The following CHMP3 variants were observed in gnomAD, a reference collection of about 807,000 sequenced individuals.
The protein encoded by CHMP3 is charged multivesicular body protein 3, also known as 25.1 protein.
CHMP3 carries 8 observed loss-of-function variants against 27.4 expected under a neutral mutation model. That is an observed-to-expected ratio of 0.29 (90% CI 0.17 to 0.53). The LOEUF is 0.53. Ranked by LOEUF, CHMP3 falls within the 20% of genes least tolerant of loss-of-function variation. The pLI is 0.96. For missense variants in CHMP3, 208 were observed against 271.5 expected (o/e 0.77, Z 1.64); for synonymous variants, 86 against 85.5 (o/e 1.01, Z -0.03).
chr2:86,555,376 G>A (rs1031067752), intron 1 of CHMP3, among the ~76,000 whole-genome samples: 1 of 151,946 alleles, frequency 6.6e-6, no homozygotes, highest in Non-Finnish European at 1.5e-5. Context: ...ATTGTTTCCT[G>A]AGGCTGCCAT....
rs1674809112 is a variant in CHMP3 at position 86,504,433 on chromosome 2, AT to A, written c.*1370del. ...TTTAAAAAAATAATTATTTAAAATAATTTTTTAACTACACTCTGAAGATGAA... is the reference window on the plus strand; with the variant it reads ...TTTAAAAAAATAATTATTTAAAATAATTTTTAACTACACTCTGAAGATGAA... On this transcript the variant is annotated 3_prime_UTR_variant, in exon 6 of 6. Transcript: ENST00000263856. 4 of 151,860 alleles carry A rather than the reference AT, an allele frequency of 2.6e-5. No homozygotes were observed. The highest frequency in any genetic ancestry group is 9.7e-5 in the African/African-American group (4 of 41,382). The allele number at this position is 151,860 out of a possible 1,614,324, so 9.4% of individuals were successfully genotyped here. A position where few individuals can be genotyped will look rare whatever the true frequency, so the allele number is the denominator to read the frequency against.
intron 4 of CHMP3, among the ~76,000 whole-genome samples, chr2:86,508,419 C>T (rs73946213): frequency 0.045 from 6,787 of 152,210 alleles, 501 homozygotes; most frequent in African/African-American, 0.16. Flanking sequence ...AGCAAAGGGT[C>T]GGAACAGCAA....
At chr2:86,554,624 T>C (rs1573305868) in intron 1 of CHMP3, among the ~76,000 whole-genome samples, 1 of 152,258 alleles carries the variant, frequency 6.6e-6, no homozygotes, top group Non-Finnish European at 1.5e-5. Flanking sequence ...TTCAATCCCT[T>C]TAGAAACCAA....
chr2:86,525,926 A>G (rs1424693941), intron 3 of CHMP3, among the ~76,000 whole-genome samples: 2 of 152,198 alleles, frequency 1.3e-5, no homozygotes, highest in African/African-American at 4.8e-5. Context: ...CCTGAAGATA[A>G]AACTCAATGG....
rs1348635905 is a variant in CHMP3 at position 86,516,554 on chromosome 2, G to A, written c.287-6075C>T. ...AAACAGGATCACTCATACATTGGCT[G>A]GTGGGAATTTAAACCTGTACACTTT... is the stretch of plus-strand genomic sequence containing the variant. On this transcript the variant is annotated intron_variant, in intron 3 of 5. Transcript: ENST00000263856. Among the ~76,000 whole-genome samples, 5 of 152,348 alleles carry A rather than the reference G, an allele frequency of 3.3e-5. No homozygotes were observed. In the South Asian group the frequency reaches 8.3e-4, roughly 25 times the overall value.
intron 1 of CHMP3, among the ~76,000 whole-genome samples, chr2:86,545,538 CGGGGCG>C (rs1676547471): frequency 6.6e-5 from 2 of 30,254 alleles, no homozygotes; most frequent in South Asian, 9.1e-4. Flanking sequence ...ACTTCCCAGA[CGGGGCG>C]ACTGCCGGGC....
At chr2:86,509,175 G>T (rs1355694041) in intron 4 of CHMP3, among the ~76,000 whole-genome samples, 1 of 152,160 alleles carries the variant, frequency 6.6e-6, no homozygotes, top group African/African-American at 2.4e-5. Context: ...TTATGAAAAA[G>T]ATCCCAGATT....
intron 1 of CHMP3, among the ~76,000 whole-genome samples, chr2:86,547,121 C>T (rs1229283824): frequency 6.6e-6 from 1 of 152,194 alleles, no homozygotes; most frequent in Non-Finnish European, 1.5e-5. Context: ...CCTATACCCC[C>T]ACCTCTTTTG....
chr2:86,537,623 C>T (rs113957477), intron 2 of CHMP3, among the ~76,000 whole-genome samples: 1 of 152,168 alleles, frequency 6.6e-6, no homozygotes, highest in East Asian at 1.9e-4. Context: ...CCCCAGGGCT[C>T]ATCAGGTTTG....
chr2:86,520,640 G>C (rs1675485792), intron 3 of CHMP3, among the ~76,000 whole-genome samples: 1 of 152,144 alleles, frequency 6.6e-6, no homozygotes, highest in African/African-American at 2.4e-5. Flanking sequence ...AATGTGTTTT[G>C]ATTCAACAAA....
At chr2:86,516,814 T>C (rs1044130918) in intron 3 of CHMP3, among the ~76,000 whole-genome samples, 2 of 152,190 alleles carry the variant, frequency 1.3e-5, no homozygotes, top group Non-Finnish European at 2.9e-5. Context: ...ACAACATTCT[T>C]AAAGTAACAA....
At chr2:86,533,660 G>A (rs13429696) in intron 2 of CHMP3, among the ~76,000 whole-genome samples, 57,282 of 151,892 alleles carry the variant, frequency 0.38, 13,272 homozygotes, top group East Asian at 0.75. Context: ...ACAGACCACA[G>A]CACCTAGCTA....
At chr2:86,545,970 G>A (rs367779810) in intron 1 of CHMP3, among the ~76,000 whole-genome samples, 9 of 152,238 alleles carry the variant, frequency 5.9e-5, no homozygotes, top group East Asian at 3.9e-4. Context: ...TGGTGGCTGG[G>A]CAGAGGCTGT....
chr2:86,537,066 T>C (rs762194914), intron 2 of CHMP3, among the ~76,000 whole-genome samples: 5 of 152,152 alleles, frequency 3.3e-5, no homozygotes, highest in Non-Finnish European at 7.3e-5. Flanking sequence ...GGTTTTGCCG[T>C]GTTGCCCAGG....
At chr2:86,517,768 C>G (rs1168988058) in intron 3 of CHMP3, among the ~76,000 whole-genome samples, 1 of 152,112 alleles carries the variant, frequency 6.6e-6, no homozygotes, top group Non-Finnish European at 1.5e-5. Flanking sequence ...GTGGCTCACA[C>G]CTGTAATCCC....
chr2:86,523,621 G>A (rs535547173), intron 3 of CHMP3, among the ~76,000 whole-genome samples: 9 of 151,988 alleles, frequency 5.9e-5, no homozygotes, highest in Non-Finnish European at 1.2e-4. Context: ...AAAGACGAGG[G>A]AGGGCAGGTA....
intron 1 of CHMP3, among the ~76,000 whole-genome samples, chr2:86,560,274 T>A (rs1384251314): frequency 2.6e-5 from 4 of 151,360 alleles, no homozygotes; most frequent in Admixed American, 2.0e-4. Context: ...AAAAAAAAAA[T>A]TATTGCAGCA....
chr2:86,522,918 C>A (rs1675568273), intron 3 of CHMP3, among the ~76,000 whole-genome samples: 1 of 152,236 alleles, frequency 6.6e-6, no homozygotes, highest in African/African-American at 2.4e-5. Flanking sequence ...TCCTGTCAAA[C>A]TGTTTCCTGA....
chr2:86,518,623 T>C (rs900711632), intron 3 of CHMP3, among the ~76,000 whole-genome samples: 1 of 152,128 alleles, frequency 6.6e-6, no homozygotes, highest in Non-Finnish European at 1.5e-5. Context: ...GTAATTCTTT[T>C]GTTGGAGGCA....
Sources: gnomAD v4.1 joint callset for allele counts (sites outside exome capture counted in the v4.1 genomes callset) on GRCh38, gnomAD v4.1.1 for gene constraint, MANE v1.5 for transcripts, NCBI Gene and HGNC (gene_info 2026-07-23, HGNC 2026-07-21) for gene names.